Variants in FLT1 observed in about 807,000 individuals in gnomAD.
The protein encoded by FLT1 is vascular endothelial growth factor receptor 1.
FLT1 carries 49 observed loss-of-function variants against 156.3 expected under a neutral mutation model. The observed-to-expected ratio is 0.31, with a 90% CI of 0.25 to 0.40. The LOEUF (loss-of-function observed/expected upper bound fraction) is 0.40. Ranked by LOEUF, FLT1 falls within the 10% of genes least tolerant of loss-of-function variation. The probability of loss-of-function intolerance (pLI) is 1.00; values close to 1 mark genes in which losing one functional copy is unlikely to be tolerated. For missense variants in FLT1, 1,322 were observed against 1,637.2 expected, an observed-to-expected ratio of 0.81 and a Z score of 3.32; for synonymous variants, 594 against 583.8, an observed-to-expected ratio of 1.02 and a Z score of -0.25.
intron 3 of FLT1, among the ~76,000 whole-genome samples, chr13:28,450,628 T>C (rs1878878698): frequency 6.6e-6 from 1 of 152,142 alleles, no homozygotes; most frequent in East Asian, 1.9e-4. Flanking sequence ...CTATAAATCT[T>C]TCTTCTACTG....
chr13:28,368,617 CAA>C, intron 14 of FLT1: 1 of 1,379,376 alleles, frequency 7.2e-7, no homozygotes, highest in Non-Finnish European at 1.0e-6. Context: ...ATGATGATGA[CAA>C]TGGTGATGAT....
chr13:28,481,480 C>CACAT (rs149445817), intron 1 of FLT1, among the ~76,000 whole-genome samples: 2 of 148,736 alleles, frequency 1.3e-5, no homozygotes, highest in African/African-American at 2.5e-5. Context: ...CACACACACA[C>CACAT]ACATACACGT....
intron 14 of FLT1, among the ~76,000 whole-genome samples, chr13:28,380,852 C>T (rs915648460): frequency 2.6e-5 from 4 of 152,118 alleles, no homozygotes; most frequent in Admixed American, 1.3e-4. Flanking sequence ...AGACTATGGG[C>T]CAGCTTACGT....
intron 23 of FLT1, among the ~76,000 whole-genome samples, chr13:28,320,497 G>A (rs539232873): frequency 3.8e-4 from 57 of 151,852 alleles, no homozygotes; most frequent in Middle Eastern, 3.4e-3. Context: ...AATGCAGCCC[G>A]ACACAAATTC....
chr13:28,398,737 T>C (rs781027097), intron 11 of FLT1, among the ~76,000 whole-genome samples: 1 of 152,192 alleles, frequency 6.6e-6, no homozygotes, highest in Admixed American at 6.6e-5. Context: ...AGACATTTAT[T>C]GAGTGATTAT....
At chr13:28,473,661 GAAAGAA>G (rs1413149658) in intron 1 of FLT1, among the ~76,000 whole-genome samples, 4 of 123,570 alleles carry the variant, frequency 3.2e-5, no homozygotes, top group African/African-American at 1.2e-4. Context: ...AAGAAAGAAA[GAAAGAA>G]AGAAAGAGAG....
At chr13:28,409,745 T>C (rs1876031802) in intron 10 of FLT1, among the ~76,000 whole-genome samples, 1 of 152,180 alleles carries the variant, frequency 6.6e-6, no homozygotes, top group Non-Finnish European at 1.5e-5. Flanking sequence ...GATATCCATG[T>C]ACTACCATCA....
At position 28,396,770 on chromosome 13, in the gene FLT1, G is replaced by A. The variant is rs143422212; in HGVS notation, c.1660+190C>T. 816 of 691,202 alleles carry A rather than the reference G, an allele frequency of 1.2e-3. 7 individuals are homozygous for A. In the African/African-American group the frequency reaches 0.012, roughly 10 times the overall value. The allele number at this position is 691,202 out of a possible 1,614,324, so 42.8% of individuals were successfully genotyped here. A position where few individuals can be genotyped will look rare whatever the true frequency, so the allele number is the denominator to read the frequency against. Reference sequence around the variant, plus strand: ...AAATAACTCTAAAAGAGAATACAGGGAAATAACTCCTTACGAGATCCGATG... The same window carrying A: ...AAATAACTCTAAAAGAGAATACAGGAAAATAACTCCTTACGAGATCCGATG... On this transcript the variant is annotated intron_variant, in intron 12 of 29. Transcript: ENST00000282397.
intron 1 of FLT1, among the ~76,000 whole-genome samples, chr13:28,477,659 A>G (rs1306136289): frequency 1.8e-4 from 28 of 152,210 alleles, no homozygotes; most frequent in Admixed American, 1.8e-3. Context: ...TTTGTCTGTT[A>G]GGAAGGGCTT....
At chr13:28,380,921 TA>T (rs1185922849) in intron 14 of FLT1, among the ~76,000 whole-genome samples, 18 of 152,054 alleles carry the variant, frequency 1.2e-4, no homozygotes, top group Admixed American at 1.2e-3. Context: ...ATTTTATAAA[TA>T]GGGGAAAAAG....
At chr13:28,306,538 A>G (rs1285510903) in intron 29 of FLT1, 140 bp downstream of exon 29, 3 of 701,088 alleles carry the variant, frequency 4.3e-6, no homozygotes, top group East Asian at 2.7e-5. Flanking sequence ...TCTGGGGGGA[A>G]ATGGTTTTCT....
Position 28,396,971 on chromosome 13 carries a change from A to C in FLT1, c.1649T>G (p.Phe550Cys). Residue 550 changes from phenylalanine (F) to cysteine (C), a missense_variant, in exon 12 of 30, where the codon TTT becomes TGT. Coordinates refer to ENST00000282397, the MANE Select transcript of FLT1 (RefSeq NM_002019.4). Reference sequence around the variant, plus strand: ...GATGTGTGGCTTACCTGTGATATAAAAGCTTATGTTTCTTCCCACAGTCCC... The same window carrying C: ...GATGTGTGGCTTACCTGTGATATAACAGCTTATGTTTCTTCCCACAGTCCC... ...KVGTVGRNIS[F>C]YITDVPNGFH... The C allele has an allele frequency of 6.3e-7, 1 of 1,594,194 alleles. No homozygotes were observed. Among genetic ancestry groups the C allele is most frequent in the African/African-American group, 1.3e-5 (1 of 74,666 alleles).
intron 16 of FLT1, among the ~76,000 whole-genome samples, chr13:28,342,946 T>TC (rs1872393348): frequency 4.2e-5 from 6 of 143,004 alleles, no homozygotes; most frequent in Non-Finnish European, 6.1e-5. Flanking sequence ...CTTTCTTTCT[T>TC]TCTCTCTCTC....
At chr13:28,438,038 T>A (rs1878128678) in intron 4 of FLT1, among the ~76,000 whole-genome samples, 183 bp downstream of exon 4, 1 of 152,256 alleles carries the variant, frequency 6.6e-6, no homozygotes, top group Non-Finnish European at 1.5e-5. Flanking sequence ...TTTTATTCTA[T>A]TTAACCACAT....
chr13:28,329,803 T>A, intron 18 of FLT1, 75 bp from the exon 19 acceptor site: 1 of 1,203,800 alleles, frequency 8.3e-7, no homozygotes, highest in Non-Finnish European at 1.2e-6. Flanking sequence ...ATTCTTGCCC[T>A]CCTTGTTTGT....
At chr13:28,458,123 G>A (rs1879369856) in intron 3 of FLT1, among the ~76,000 whole-genome samples, 1 of 151,878 alleles carries the variant, frequency 6.6e-6, no homozygotes, top group South Asian at 2.1e-4. Flanking sequence ...TTTTAGTAGA[G>A]ACGGGGTTTC....
chr13:28,339,898 C>G (rs1872266249), intron 16 of FLT1, among the ~76,000 whole-genome samples: 1 of 152,120 alleles, frequency 6.6e-6, no homozygotes, highest in South Asian at 2.1e-4. Context: ...CTGAGTGAGA[C>G]TGGAATAAGG....
chr13:28,323,200 G>A (rs1441865602), intron 20 of FLT1, among the ~76,000 whole-genome samples: 2 of 151,968 alleles, frequency 1.3e-5, no homozygotes, highest in Non-Finnish European at 2.9e-5. Context: ...AGAGTGGTGG[G>A]TATTTACTGA....
intron 12 of FLT1, among the ~76,000 whole-genome samples, chr13:28,391,991 G>A (rs1388917595): frequency 6.6e-6 from 1 of 152,154 alleles, no homozygotes; most frequent in Non-Finnish European, 1.5e-5. Flanking sequence ...ATTATGTTAT[G>A]CTATTATTAT....
Sources: gnomAD v4.1 joint callset for allele counts (sites outside exome capture counted in the v4.1 genomes callset) on GRCh38, gnomAD v4.1.1 for gene constraint, MANE v1.5 for transcripts, NCBI Gene and HGNC (gene_info 2026-07-23, HGNC 2026-07-21) for gene names.